ANKRD36B: variants seen among roughly 807,000 people sequenced by gnomAD.
ANKRD36B encodes ankyrin repeat domain 36B, also known as ankyrin repeat domain-containing protein 36B.
ANKRD36B carries 37 observed loss-of-function variants against 135.7 expected under a neutral mutation model. The observed-to-expected ratio is 0.27, with a 90% confidence interval of 0.21 to 0.36. The LOEUF is 0.36. Ranked by LOEUF, ANKRD36B falls within the 10% of genes least tolerant of loss-of-function variation. The pLI is 1.00. For missense variants in ANKRD36B, 549 were observed against 1,037.1 expected (o/e 0.53, Z 6.46); for synonymous variants, 179 against 348.1 (o/e 0.51, Z 5.41).
At chr2:97,548,556 C>A (rs1353114055) in intron 20 of ANKRD36B, among the ~76,000 whole-genome samples, 3 of 151,890 alleles carry the variant, frequency 2.0e-5, no homozygotes, top group South Asian at 4.2e-4. Context: ...TAATTAGAAT[C>A]CAGCATAATT....
At chr2:97,589,471 C>G in intron 1 of ANKRD36B, 54 bp downstream of exon 1, 1 of 1,440,556 alleles carries the variant, frequency 6.9e-7, no homozygotes, top group Non-Finnish European at 9.2e-7. Context: ...CAAAGGGGTA[C>G]TTCTCCACAT....
At chr2:97,580,030 T>C (rs2082520411) in intron 4 of ANKRD36B, among the ~76,000 whole-genome samples, 1 of 152,200 alleles carries the variant, frequency 6.6e-6, no homozygotes, top group Non-Finnish European at 1.5e-5. Flanking sequence ...AAGCTATCTT[T>C]TTTCCCCCTC....
intron 16 of ANKRD36B, among the ~76,000 whole-genome samples, chr2:97,552,531 A>G (rs1192743646): frequency 2.0e-5 from 3 of 151,918 alleles, no homozygotes; most frequent in Non-Finnish European, 4.4e-5. Flanking sequence ...CTTTATCCCA[A>G]TTCTAGCATT....
intron 35 of ANKRD36B, among the ~76,000 whole-genome samples, chr2:97,525,377 A>G (rs2104396281): frequency 1.0e-5 from 1 of 97,316 alleles, no homozygotes; most frequent in Admixed American, 9.1e-5. Context: ...ATTAGGAGCC[A>G]AAATCACCAC....
chr2:97,567,355 G>T (rs968947028), intron 6 of ANKRD36B, among the ~76,000 whole-genome samples: 1 of 149,774 alleles, frequency 6.7e-6, no homozygotes, highest in African/African-American at 2.5e-5. Flanking sequence ...CTGATTAATT[G>T]AACATTCAGC....
In ANKRD36B at chr2:97,589,842, C is replaced by T. The variant is rs1203884310; in HGVS notation, c.-157G>A. The T allele has an allele frequency of 3.4e-5, 35 of 1,029,146 alleles. No homozygotes were observed. The highest frequency in any genetic ancestry group is 4.4e-5 in the Non-Finnish European group (31 of 708,936). The allele number at this position is 1,029,146 out of a possible 1,614,324, so 63.8% of individuals were successfully genotyped here. A position where few individuals can be genotyped will look rare whatever the true frequency, so the allele number is the denominator to read the frequency against. ...CACGGACCTCCGCGCAGACTCTCAG[C>T]GCCTCCCGCCTCTCCGCAGAAACGC... On this transcript the variant is annotated 5_prime_UTR_variant, in exon 1 of 44. Transcript: ENST00000359901.
At chr2:97,546,341 T>G (rs2079460551) in intron 22 of ANKRD36B, among the ~76,000 whole-genome samples, 1 of 151,790 alleles carries the variant, frequency 6.6e-6, no homozygotes, top group African/African-American at 2.4e-5. Context: ...ACATTTCAGT[T>G]GAACGTACAC....
At chr2:97,563,443 C>T (rs1420934596) in intron 6 of ANKRD36B, among the ~76,000 whole-genome samples, 1 of 151,854 alleles carries the variant, frequency 6.6e-6, no homozygotes, top group Non-Finnish European at 1.5e-5. Context: ...CACACACACA[C>T]ACACACACAC....
chr2:97,549,914 T>A (rs934109093), intron 18 of ANKRD36B, among the ~76,000 whole-genome samples: 13 of 151,946 alleles, frequency 8.6e-5, no homozygotes, highest in Non-Finnish European at 1.3e-4. Flanking sequence ...ACAAATGTGA[T>A]CTAAAATCAG....
intron 6 of ANKRD36B, among the ~76,000 whole-genome samples, chr2:97,570,747 T>C (rs2081790620): frequency 6.6e-6 from 1 of 152,216 alleles, no homozygotes. Context: ...CCTGAGCCAA[T>C]TTTACTTTGT....
At chr2:97,535,203 C>T in intron 34 of ANKRD36B, among the ~76,000 whole-genome samples, 1 of 100,426 alleles carries the variant, frequency 1.0e-5, no homozygotes, top group Non-Finnish European at 2.7e-5. Context: ...AAAGAGGATG[C>T]TTAATAAGTA....
intron 8 of ANKRD36B, among the ~76,000 whole-genome samples, 170 bp downstream of exon 8, chr2:97,560,495 C>A (rs1393554584): frequency 6.6e-6 from 1 of 151,814 alleles, no homozygotes; most frequent in African/African-American, 2.4e-5. Flanking sequence ...AGATCATGAC[C>A]AAGGACCAGC....
rs1165846028 is a variant in ANKRD36B at position 97,534,864 on chromosome 2, G to T, written c.2191+1436C>A. Among the ~76,000 whole-genome samples, 18 of 97,246 alleles carry T rather than the reference G, an allele frequency of 1.9e-4. 4 individuals carry two copies. Among genetic ancestry groups the T allele is most frequent in the African/African-American group, 5.2e-4 (17 of 32,450 alleles). 63.8% of individuals were successfully genotyped at this position (97,246 alleles called of 152,430 possible). On this transcript the variant is annotated intron_variant, in intron 34 of 43. Coordinates refer to ENST00000359901, the MANE Select transcript of ANKRD36B (RefSeq NM_001393939.1). Reference sequence around the variant, plus strand: ...AAGCAAGAAAATCAGTATTATAAAAGAGAAATCTGTCCTGACATGTTTATT... The same window carrying T: ...AAGCAAGAAAATCAGTATTATAAAATAGAAATCTGTCCTGACATGTTTATT...
chr2:97,549,511 A>C lies in ANKRD36B; in HGVS notation c.1405-20T>G. 1 of 1,597,614 alleles carries C rather than the reference A, an allele frequency of 6.3e-7. No homozygotes were observed. On this transcript the variant is annotated intron_variant, in intron 19 of 43. Coordinates refer to ENST00000359901, the MANE Select transcript of ANKRD36B (RefSeq NM_001393939.1). ...TGTAGCCTGAATGGAATTTGAAATG[A>C]AATAATAAATAAATAAAGTATGTTT...
rs56775263 is a variant in ANKRD36B at position 97,496,833 on chromosome 2, G to GTATATATATATATA, written c.*7-3992_*7-3979dup. On this transcript the variant is annotated intron_variant, in intron 43 of 43. Coordinates refer to ENST00000359901, the MANE Select transcript of ANKRD36B (RefSeq NM_001393939.1). ...TGTGTGTGTATGTATATATGTGTGTGTATATATATATATATATATATATAT... is the reference window on the plus strand; with the variant it reads ...TGTGTGTGTATGTATATATGTGTGTGTATATATATATATATATATATATATATATATATATATAT... Among the ~76,000 whole-genome samples, 147 of 62,012 alleles carry GTATATATATATATA rather than the reference G, an allele frequency of 2.4e-3. 3 individuals are homozygous for GTATATATATATATA. The highest frequency in any genetic ancestry group is 0.012 in the African/African-American group (138 of 11,340). The allele number at this position is 62,012 out of a possible 152,430, so 40.7% of individuals were successfully genotyped here.
intron 1 of ANKRD36B, among the ~76,000 whole-genome samples, chr2:97,586,871 T>C (rs1267719242): frequency 6.6e-6 from 1 of 151,916 alleles, no homozygotes; most frequent in Admixed American, 6.6e-5. Flanking sequence ...AAGATACCAA[T>C]AAACAAAAAA....
At chr2:97,589,261 A>G (rs1809113) in intron 1 of ANKRD36B, among the ~76,000 whole-genome samples, 13 of 86,848 alleles carry the variant, frequency 1.5e-4, no homozygotes, top group East Asian at 1.4e-3. Context: ...CCTTCATTCC[A>G]TCCACCTCAG....
rs547466634 is a variant in ANKRD36B at position 97,523,675 on chromosome 2, C to T, written c.2266-208G>A. ...ATAAATTAGTTTCCCAGTTCCTATGCTATTTAGAAAACTGACAGAGAGACT... is the reference window on the plus strand; with the variant it reads ...ATAAATTAGTTTCCCAGTTCCTATGTTATTTAGAAAACTGACAGAGAGACT... On this transcript the variant is annotated intron_variant, in intron 35 of 43. Transcript: ENST00000359901. 0.011 allele frequency among the ~76,000 whole-genome samples: 910 copies of T among 80,840 alleles called. 200 individuals carry two copies. The South Asian group carries it at 0.23, about 21-fold the overall frequency. 53.0% of individuals were successfully genotyped at this position (80,840 alleles called of 152,430 possible). A position where few individuals can be genotyped will look rare whatever the true frequency, so the allele number is the denominator to read the frequency against.
rs1217153986 is a variant in ANKRD36B at position 97,498,134 on chromosome 2, G to A, written c.*7-5279C>T. ...AAAAAACATTTGAAATGATTCCATCGGGGAAAAACAACAACAAAAAAGAAT... is the reference window on the plus strand; with the variant it reads ...AAAAAACATTTGAAATGATTCCATCAGGGAAAAACAACAACAAAAAAGAAT... On this transcript the variant is annotated intron_variant, in intron 43 of 43. Coordinates refer to ENST00000359901, the MANE Select transcript of ANKRD36B (RefSeq NM_001393939.1). Among the ~76,000 whole-genome samples the A allele has an allele frequency of 7.0e-5, 5 of 70,944 alleles. 2 individuals carry two copies. The highest frequency in any genetic ancestry group is 1.7e-4 in the Non-Finnish European group (5 of 29,824). The allele number at this position is 70,944 out of a possible 152,430, so 46.5% of individuals were successfully genotyped here.
Sources: gnomAD v4.1 joint callset for allele counts (sites outside exome capture counted in the v4.1 genomes callset) on GRCh38, gnomAD v4.1.1 for gene constraint, MANE v1.5 for transcripts, NCBI Gene and HGNC (gene_info 2026-07-23, HGNC 2026-07-21) for gene names.